TRHDE: variants seen among roughly 807,000 people sequenced by gnomAD.
TRHDE encodes the protein thyrotropin releasing hormone degrading enzyme, also known as thyrotropin-releasing hormone-degrading ectoenzyme.
A neutral mutation model predicts 125.7 loss-of-function variants in TRHDE; 72 were observed. That is an observed-to-expected ratio of 0.57 (90% CI 0.47 to 0.70). The LOEUF is 0.70. Among genes scored for constraint, TRHDE ranks in the 30% least tolerant of loss-of-function variants. The pLI is 0.00. For synonymous variants in TRHDE, 509 were observed against 509.1 expected, an observed-to-expected ratio of 1.00 and a Z score of 0.00; for missense variants, 1,110 against 1,327.1, an observed-to-expected ratio of 0.84 and a Z score of 2.54.
intron 3 of TRHDE, among the ~76,000 whole-genome samples, chr12:72,441,451 G>A (rs561295300): frequency 5.9e-5 from 9 of 151,970 alleles, no homozygotes; most frequent in Admixed American, 5.3e-4. Flanking sequence ...TAGTAAGACA[G>A]TTCATCATTG....
chr12:72,121,934 G>A (rs1343799891), intron 2 of TRHDE, among the ~76,000 whole-genome samples: 2 of 151,510 alleles, frequency 1.3e-5, no homozygotes, highest in African/African-American at 4.9e-5. Flanking sequence ...GTTGTGTAGA[G>A]CCATAGCCAG....
At chr12:72,442,130 C>T (rs540947570) in intron 3 of TRHDE, among the ~76,000 whole-genome samples, 66 of 151,904 alleles carry the variant, frequency 4.3e-4, no homozygotes, top group African/African-American at 1.3e-3. Flanking sequence ...TGCTTCATCC[C>T]GCTCCTCTAC....
At chr12:72,282,613 C>T (rs1374354241) in intron 1 of TRHDE, among the ~76,000 whole-genome samples, 2 of 152,170 alleles carry the variant, frequency 1.3e-5, no homozygotes, top group Non-Finnish European at 2.9e-5. Context: ...ATACTGAGAT[C>T]TGATGTAACC....
At chr12:72,590,706 T>C (rs1253292649) in intron 12 of TRHDE, among the ~76,000 whole-genome samples, 1 of 152,194 alleles carries the variant, frequency 6.6e-6, no homozygotes, top group Non-Finnish European at 1.5e-5. Context: ...AATATCTCTG[T>C]ATCTTTACAC....
chr12:72,101,434 T>C (rs1425237009), intron 1 of TRHDE, among the ~76,000 whole-genome samples: 1 of 152,186 alleles, frequency 6.6e-6, no homozygotes. Context: ...CTTTCAAAGT[T>C]TTCTGTTTGG....
intron 2 of TRHDE, among the ~76,000 whole-genome samples, chr12:72,129,788 T>C (rs540464987): frequency 2.0e-5 from 3 of 152,314 alleles, no homozygotes; most frequent in South Asian, 2.1e-4. Flanking sequence ...GTCAGTAAGA[T>C]TGTTGAATGC....
At chr12:72,659,530 T>TA (rs1413991079) in intron 18 of TRHDE, among the ~76,000 whole-genome samples, 1 of 152,202 alleles carries the variant, frequency 6.6e-6, no homozygotes, top group East Asian at 1.9e-4. Context: ...CAATAGTTAA[T>TA]TCTATTCATT....
chr12:72,137,413 G>C (rs1317659281), intron 2 of TRHDE: 1 of 152,138 alleles, frequency 6.6e-6, no homozygotes, highest in Non-Finnish European at 1.5e-5. Flanking sequence ...AGGGATCCTT[G>C]TACTACCAGA....
chr12:72,578,828 G>A (rs1871115909), intron 12 of TRHDE, among the ~76,000 whole-genome samples: 1 of 152,092 alleles, frequency 6.6e-6, no homozygotes, highest in South Asian at 2.1e-4. Context: ...TTGCCTGAAT[G>A]CATTCTAATT....
In TRHDE at chr12:72,667,958, G is replaced by A. The variant is rs1875161793; in HGVS notation, c.*4763G>A. Reference sequence around the variant, plus strand: ...CAGCATACTATCGGTATCTCACAATGTGTTAATTTTAAGTTAATTATATAT... The same window carrying A: ...CAGCATACTATCGGTATCTCACAATATGTTAATTTTAAGTTAATTATATAT... On this transcript the variant is annotated 3_prime_UTR_variant, in exon 19 of 19. Coordinates refer to ENST00000261180, the MANE Select transcript of TRHDE (RefSeq NM_013381.3). 6.6e-6 allele frequency: 1 copy of A among 151,590 alleles called. No homozygotes were observed. The highest frequency in any genetic ancestry group is 1.9e-4 in the East Asian group (1 of 5,152). 9.4% of individuals were successfully genotyped at this position (151,590 alleles called of 1,614,324 possible).
intron 6 of TRHDE, among the ~76,000 whole-genome samples, chr12:72,513,993 A>G (rs1051103903): frequency 2.0e-5 from 3 of 152,178 alleles, no homozygotes; most frequent in Non-Finnish European, 2.9e-5. Flanking sequence ...AAAATTTGCA[A>G]CTACAAGCAA....
chr12:72,392,637 A>G (rs1285368554), intron 3 of TRHDE, among the ~76,000 whole-genome samples: 1 of 152,186 alleles, frequency 6.6e-6, no homozygotes, highest in Non-Finnish European at 1.5e-5. Flanking sequence ...ATATACATGA[A>G]TTGATGTGGT....
chr12:72,400,309 T>C (rs1478353485), intron 3 of TRHDE, among the ~76,000 whole-genome samples: 1 of 152,296 alleles, frequency 6.6e-6, no homozygotes, highest in South Asian at 2.1e-4. Flanking sequence ...AGTTATTACA[T>C]GGCAATGTGA....
At chr12:72,264,022 A>G (rs1351267343) in intron 2 of TRHDE, 3 of 152,024 alleles carry the variant, frequency 2.0e-5, no homozygotes, top group East Asian at 1.9e-4. Flanking sequence ...GACTCCATAA[A>G]TGCGATTTAA....
At chr12:72,384,023 CAT>C (rs1038090350) in intron 3 of TRHDE, among the ~76,000 whole-genome samples, 43 of 152,212 alleles carry the variant, frequency 2.8e-4, no homozygotes, top group African/African-American at 7.5e-4. Flanking sequence ...AAAAAGTGCA[CAT>C]GTTATAACTC....
chr12:72,159,329 T>C (rs764450425), intron 2 of TRHDE, among the ~76,000 whole-genome samples: 2 of 152,186 alleles, frequency 1.3e-5, no homozygotes, highest in Non-Finnish European at 2.9e-5. Context: ...ATGATCTACT[T>C]TGTAGAGGAA....
chr12:72,394,037 C>T (rs958975627), intron 3 of TRHDE, among the ~76,000 whole-genome samples: 31 of 152,076 alleles, frequency 2.0e-4, no homozygotes, highest in African/African-American at 7.5e-4. Flanking sequence ...ATATATTACC[C>T]ATTATGTGCA....
chr12:72,186,274 A>G, intron 2 of TRHDE: 1 of 163,156 alleles, frequency 6.1e-6, no homozygotes, highest in Non-Finnish European at 1.3e-5. Flanking sequence ...GCACAACTCC[A>G]GACGCGCTGC....
At chr12:72,324,567 G>A (rs11829665) in intron 2 of TRHDE, among the ~76,000 whole-genome samples, 48 of 152,240 alleles carry the variant, frequency 3.2e-4, no homozygotes, top group African/African-American at 1.1e-3. Context: ...ATCAGAGCAA[G>A]GCTCGAGAGT....
Sources: allele counts gnomAD v4.1 joint callset (sites outside exome capture counted in the v4.1 genomes callset), GRCh38; gene constraint gnomAD v4.1.1; transcripts MANE v1.5; gene names NCBI Gene and HGNC (gene_info 2026-07-23, HGNC 2026-07-21).